Variants in EPHA6 observed in about 807,000 individuals in gnomAD.
The protein encoded by EPHA6 is EPH receptor A6.
EPHA6 carries 50 observed loss-of-function variants against 112.0 expected under a neutral mutation model. The ratio of observed to expected loss-of-function variants is 0.45; its 90% CI spans 0.36 to 0.56. The LOEUF is 0.56. Ranked by LOEUF, EPHA6 falls within the 20% of genes least tolerant of loss-of-function variation. The probability of loss-of-function intolerance (pLI) is 0.00; values close to 1 mark genes in which losing one functional copy is unlikely to be tolerated. For missense variants in EPHA6, 1,280 were observed against 1,417.4 expected (o/e 0.90, Z 1.56); for synonymous variants, 529 against 490.7 (o/e 1.08, Z -1.03).
intron 11 of EPHA6, among the ~76,000 whole-genome samples, chr3:97,555,124 C>A (rs1384205910): frequency 6.8e-5 from 10 of 146,432 alleles, no homozygotes; most frequent in Admixed American, 3.5e-4. Flanking sequence ...TGTTCCCCTT[C>A]CTGTGTCCAT....
At position 97,758,154 on chromosome 3, in the gene EPHA6, GA is replaced by G. The variant is rs781167076; in HGVS notation, c.*9457del. Among the ~76,000 whole-genome samples the G allele has an allele frequency of 6.6e-6, 1 of 151,910 alleles. No individual in the cohort carries two copies. Among genetic ancestry groups the G allele is most frequent in the East Asian group, 1.9e-4 (1 of 5,196 alleles). On this transcript the variant is annotated 3_prime_UTR_variant, in exon 18 of 18. Transcript: ENST00000389672. ...CAAGTAGGATACTTCAAACAAGAGT[GA>G]AAAGCTACTCCATTTACGTGTAATC...
chr3:97,238,733 G>T (rs1473479523), intron 4 of EPHA6, among the ~76,000 whole-genome samples: 1 of 151,780 alleles, frequency 6.6e-6, no homozygotes. Context: ...CACAAAGGAG[G>T]TAACAACTAA....
intron 5 of EPHA6, among the ~76,000 whole-genome samples, chr3:97,247,440 G>T (rs962845129): frequency 2.6e-5 from 4 of 151,808 alleles, no homozygotes; most frequent in African/African-American, 9.7e-5. Flanking sequence ...AGCCTAGGGT[G>T]CTCTGAAAGC....
At chr3:97,245,378 C>G (rs927942310) in intron 5 of EPHA6, among the ~76,000 whole-genome samples, 14 of 151,914 alleles carry the variant, frequency 9.2e-5, no homozygotes, top group African/African-American at 3.1e-4. Context: ...GAATTAGGAC[C>G]CACTCATATG....
intron 5 of EPHA6, among the ~76,000 whole-genome samples, chr3:97,315,992 T>TA (rs1399854528): frequency 1.3e-5 from 2 of 151,900 alleles, no homozygotes; most frequent in Non-Finnish European, 2.9e-5. Context: ...TGTGTCTACG[T>TA]AAAAAGGCTT....
chr3:97,274,291 AG>A (rs1403456253), intron 5 of EPHA6, among the ~76,000 whole-genome samples: 1 of 152,144 alleles, frequency 6.6e-6, no homozygotes, highest in Non-Finnish European at 1.5e-5. Context: ...ACTGGCCATG[AG>A]GGACAGAAGT....
At chr3:97,094,071 A>T (rs543346065) in intron 3 of EPHA6, among the ~76,000 whole-genome samples, 1 of 152,078 alleles carries the variant, frequency 6.6e-6, no homozygotes, top group African/African-American at 2.4e-5. Context: ...GAAAACCTAT[A>T]CTAGTCACAA....
intron 3 of EPHA6, among the ~76,000 whole-genome samples, chr3:97,062,992 C>A (rs2046069053): frequency 6.6e-6 from 1 of 151,300 alleles, no homozygotes; most frequent in African/African-American, 2.4e-5. Flanking sequence ...AAATCAAAAC[C>A]ACAATTAAAT....
At chr3:97,132,306 C>T (rs1000468882) in intron 3 of EPHA6, among the ~76,000 whole-genome samples, 11 of 151,928 alleles carry the variant, frequency 7.2e-5, no homozygotes, top group African/African-American at 9.7e-5. Flanking sequence ...CCAAGAGAGG[C>T]GCTCAGGGTT....
chr3:96,940,601 T>G (rs2040882985), intron 2 of EPHA6, among the ~76,000 whole-genome samples: 1 of 152,210 alleles, frequency 6.6e-6, no homozygotes, highest in Non-Finnish European at 1.5e-5. Context: ...CATTTACATT[T>G]AAGGTTAATA....
At chr3:96,850,379 G>A (rs1452674427) in intron 1 of EPHA6, among the ~76,000 whole-genome samples, 1 of 152,068 alleles carries the variant, frequency 6.6e-6, no homozygotes, top group African/African-American at 2.4e-5. Flanking sequence ...GCCTGGAAGT[G>A]CGCCATGAAG....
chr3:97,000,565 G>A (rs1002326266), intron 3 of EPHA6, among the ~76,000 whole-genome samples: 4 of 151,572 alleles, frequency 2.6e-5, no homozygotes, highest in African/African-American at 9.7e-5. Flanking sequence ...CTCTAGCTCT[G>A]TTATCACCTG....
At position 97,093,977 on chromosome 3, in the gene EPHA6, C is replaced by G. The variant is rs1362195022; in HGVS notation, c.1114+105984C>G. 2.0e-5 allele frequency among the ~76,000 whole-genome samples: 3 copies of G among 151,976 alleles called. No homozygotes were observed. The South Asian group carries it at 6.2e-4, about 32-fold the overall frequency. ...AGTAACTATATCGCTTCAGATACAG[C>G]GTGCATAGAGCAAAGGGGTTACCTC... On this transcript the variant is annotated intron_variant, in intron 3 of 17. Coordinates refer to ENST00000389672, the MANE Select transcript of EPHA6 (RefSeq NM_001080448.3).
At chr3:97,562,317 C>T (rs542570410) in intron 11 of EPHA6, among the ~76,000 whole-genome samples, 1 of 152,204 alleles carries the variant, frequency 6.6e-6, no homozygotes, top group East Asian at 1.9e-4. Flanking sequence ...CCATTAGGAA[C>T]ATCTGTATTT....
intron 12 of EPHA6, among the ~76,000 whole-genome samples, chr3:97,607,125 C>A (rs1380208171): frequency 5.6e-5 from 8 of 144,126 alleles, no homozygotes; most frequent in African/African-American, 2.0e-4. Context: ...AAACTCATTT[C>A]ATTACATGAA....
intron 5 of EPHA6, among the ~76,000 whole-genome samples, chr3:97,290,687 T>C (rs2108684645): frequency 6.6e-6 from 1 of 152,292 alleles, no homozygotes; most frequent in Middle Eastern, 3.4e-3. Flanking sequence ...TATTACAGTC[T>C]TTGATGATCT....
intron 16 of EPHA6, among the ~76,000 whole-genome samples, chr3:97,744,228 A>G (rs997687413): frequency 2.0e-5 from 3 of 151,946 alleles, no homozygotes; most frequent in African/African-American, 7.2e-5. Context: ...TTAAAATGTG[A>G]GCTGCAGGTT....
At chr3:97,562,347 T>G (rs1453634724) in intron 11 of EPHA6, among the ~76,000 whole-genome samples, 3 of 152,092 alleles carry the variant, frequency 2.0e-5, no homozygotes. Flanking sequence ...AGGTCAAAAT[T>G]TCAATGTTAA....
chr3:97,650,752 G>T (rs1385329983), intron 14 of EPHA6, among the ~76,000 whole-genome samples: 1 of 150,876 alleles, frequency 6.6e-6, no homozygotes, highest in Non-Finnish European at 1.5e-5. Context: ...TCTTCTTTAA[G>T]AGGCTGAGGC....
Sources: gnomAD v4.1 joint callset for allele counts (sites outside exome capture counted in the v4.1 genomes callset) on GRCh38, gnomAD v4.1.1 for gene constraint, MANE v1.5 for transcripts, NCBI Gene and HGNC (gene_info 2026-07-23, HGNC 2026-07-21) for gene names.